The following GFOD1 variants were observed in gnomAD, a reference collection of about 807,000 sequenced individuals.
GFOD1 encodes the protein glucose-fructose oxidoreductase domain-containing protein 1.
Under a neutral mutation model 25.4 loss-of-function variants are expected in GFOD1, and 9 were observed. That is an observed-to-expected ratio of 0.35 (90% CI 0.21 to 0.62). GFOD1 has a LOEUF of 0.62. Among genes scored for constraint, GFOD1 ranks in the 20% least tolerant of loss-of-function variants. The pLI, the probability that GFOD1 is intolerant of heterozygous loss-of-function variation, is 0.72. For missense variants in GFOD1, 403 were observed against 556.9 expected, an observed-to-expected ratio of 0.72 and a Z score of 2.78; for synonymous variants, 253 against 245.6, an observed-to-expected ratio of 1.03 and a Z score of -0.28.
chr6:13,441,910 C>CA (rs1444959869), intron 1 of GFOD1, among the ~76,000 whole-genome samples: 1 of 152,156 alleles, frequency 6.6e-6, no homozygotes, highest in Non-Finnish European at 1.5e-5. Context: ...CCTGGCTGCT[C>CA]AGGATACAAG....
intron 1 of GFOD1, among the ~76,000 whole-genome samples, chr6:13,484,678 C>T (rs1321267226): frequency 6.6e-6 from 1 of 152,098 alleles, no homozygotes; most frequent in Non-Finnish European, 1.5e-5. Flanking sequence ...AAGAAGTATC[C>T]AGAAATGTCT....
At chr6:13,384,640 A>C (rs1584617730) in intron 1 of GFOD1, among the ~76,000 whole-genome samples, 1 of 152,300 alleles carries the variant, frequency 6.6e-6, no homozygotes, top group Non-Finnish European at 1.5e-5. Flanking sequence ...TCAATGATCC[A>C]CAGCAGCACA....
At chr6:13,445,271 C>T (rs1199677994) in intron 1 of GFOD1, among the ~76,000 whole-genome samples, 1 of 152,186 alleles carries the variant, frequency 6.6e-6, no homozygotes, top group Non-Finnish European at 1.5e-5. Context: ...TCCTGATGCT[C>T]GTTGAGCACC....
intron 1 of GFOD1, among the ~76,000 whole-genome samples, chr6:13,383,097 C>T (rs992198529): frequency 1.3e-5 from 2 of 152,106 alleles, no homozygotes; most frequent in Admixed American, 1.3e-4. Context: ...GATTCCATGT[C>T]TTTGCTATTG....
Position 13,452,306 on chromosome 6 carries a change from G to T in GFOD1, c.253+34332C>A, listed in dbSNP as rs538420709. On this transcript the variant is annotated intron_variant, in intron 1 of 1. Coordinates refer to ENST00000379287, the MANE Select transcript of GFOD1 (RefSeq NM_018988.4). ...CATCGATATTAAAAATACTAAAGTT[G>T]ATCATTCTCCTGTGGTTATGTAAGA... Among the ~76,000 whole-genome samples the T allele has an allele frequency of 7.2e-5, 11 of 152,270 alleles. No homozygotes were observed. In the East Asian group the frequency reaches 2.1e-3, roughly 29 times the overall value.
At chr6:13,377,975 G>A (rs935489660) in intron 1 of GFOD1, among the ~76,000 whole-genome samples, 1 of 152,122 alleles carries the variant, frequency 6.6e-6, no homozygotes, top group South Asian at 2.1e-4. Context: ...GCTCCCTGTA[G>A]GCAGTAGCAA....
chr6:13,476,104 A>G (rs988670415), intron 1 of GFOD1, among the ~76,000 whole-genome samples: 4 of 152,246 alleles, frequency 2.6e-5, no homozygotes, highest in African/African-American at 9.6e-5. Flanking sequence ...TTTAACCAAG[A>G]GAAATGAAAA....
chr6:13,440,832 C>G (rs570684869), intron 1 of GFOD1, among the ~76,000 whole-genome samples: 1 of 152,284 alleles, frequency 6.6e-6, no homozygotes, highest in African/African-American at 2.4e-5. Flanking sequence ...ATTTTTAAAG[C>G]CCCAGCTTTG....
intron 1 of GFOD1, among the ~76,000 whole-genome samples, chr6:13,388,005 C>T (rs149663958): frequency 1.3e-5 from 2 of 152,316 alleles, no homozygotes; most frequent in African/African-American, 4.8e-5. Flanking sequence ...GGGGAACTCC[C>T]ATTCACAATC....
chr6:13,400,134 G>A (rs1339664892), intron 1 of GFOD1, among the ~76,000 whole-genome samples: 1 of 152,060 alleles, frequency 6.6e-6, no homozygotes, highest in Admixed American at 6.6e-5. Context: ...GATGGCAAAA[G>A]CTCTAAAATA....
chr6:13,477,945 T>C (rs1268554598), intron 1 of GFOD1, among the ~76,000 whole-genome samples: 1 of 151,604 alleles, frequency 6.6e-6, no homozygotes, highest in East Asian at 2.0e-4. Flanking sequence ...ATGCCTGTAA[T>C]CCCAGCTACT....
At chr6:13,459,855 C>T (rs1418539555) in intron 1 of GFOD1, among the ~76,000 whole-genome samples, 1 of 152,190 alleles carries the variant, frequency 6.6e-6, no homozygotes, top group African/African-American at 2.4e-5. Context: ...AGGCTCATTA[C>T]AGGCATGGTG....
intron 1 of GFOD1, chr6:13,469,188 C>T: frequency 2.1e-6 from 2 of 969,758 alleles, no homozygotes; most frequent in Non-Finnish European, 2.5e-6. Context: ...GTCACATCCC[C>T]TAAAGAATCC....
At chr6:13,387,872 C>T (rs1244978952) in intron 1 of GFOD1, among the ~76,000 whole-genome samples, 1 of 152,214 alleles carries the variant, frequency 6.6e-6, no homozygotes, top group African/African-American at 2.4e-5. Flanking sequence ...AAAACCCCAT[C>T]ATCTCAGCCC....
At chr6:13,387,094 T>A (rs1009139486) in intron 1 of GFOD1, among the ~76,000 whole-genome samples, 1 of 152,180 alleles carries the variant, frequency 6.6e-6, no homozygotes, top group African/African-American at 2.4e-5. Context: ...AAACACTCAG[T>A]TACATAGGCA....
chr6:13,449,674 A>T (rs1584658950), intron 1 of GFOD1, among the ~76,000 whole-genome samples: 1 of 152,114 alleles, frequency 6.6e-6, no homozygotes, highest in East Asian at 1.9e-4. Flanking sequence ...GCCTCACAAG[A>T]TCTGATAGTT....
At chr6:13,469,548 A>G in intron 1 of GFOD1, 1 of 1,045,024 alleles carries the variant, frequency 9.6e-7, no homozygotes, top group Non-Finnish European at 1.2e-6. Context: ...ATACTGGAAA[A>G]CACATAAGCT....
chr6:13,448,174 C>T (rs1342038721), intron 1 of GFOD1, among the ~76,000 whole-genome samples: 2 of 152,188 alleles, frequency 1.3e-5, no homozygotes, highest in Non-Finnish European at 2.9e-5. Flanking sequence ...GGTCTGGCTT[C>T]AGCAGTTCCT....
intron 1 of GFOD1, among the ~76,000 whole-genome samples, chr6:13,384,312 CTAAG>C (rs925655914): frequency 6.6e-6 from 1 of 152,184 alleles, no homozygotes; most frequent in Non-Finnish European, 1.5e-5. Context: ...AAAGCACCTG[CTAAG>C]TTATTAGGAT....
Sources: gnomAD v4.1 joint callset for allele counts (sites outside exome capture counted in the v4.1 genomes callset) on GRCh38, gnomAD v4.1.1 for gene constraint, MANE v1.5 for transcripts, NCBI Gene and HGNC (gene_info 2026-07-23, HGNC 2026-07-21) for gene names.